The following GLDC variants were observed in gnomAD, a reference collection of about 807,000 sequenced individuals.
The protein encoded by GLDC is glycine dehydrogenase (decarboxylating), mitochondrial.
In GLDC, 104 loss-of-function variants were observed where a neutral mutation model predicts 121.3. That is an observed-to-expected ratio of 0.86 (90% CI 0.73 to 1.01). GLDC has a LOEUF of 1.01. Among genes scored for constraint, GLDC ranks in the 50% least tolerant of loss-of-function variants. The pLI, the probability that GLDC is intolerant of heterozygous loss-of-function variation, is 0.00. For missense variants in GLDC, 1,429 were observed against 1,306.6 expected (o/e 1.09, Z -1.44); for synonymous variants, 546 against 480.6 (o/e 1.14, Z -1.78).
intron 12 of GLDC, 66 bp from the exon 13 acceptor site, chr9:6,588,768 A>G: frequency 1.1e-6 from 1 of 920,158 alleles, no homozygotes; most frequent in Non-Finnish European, 1.8e-6. Context: ...CATCCTCCTG[A>G]CATATAAGAC....
chr9:6,601,520 TA>T (rs1409493130), intron 8 of GLDC, among the ~76,000 whole-genome samples: 3 of 151,922 alleles, frequency 2.0e-5, no homozygotes, highest in South Asian at 4.1e-4. Flanking sequence ...TAATGCTTTT[TA>T]TTTTTTTTAG....
At chr9:6,556,793 CAAA>C (rs71308875) in intron 17 of GLDC, among the ~76,000 whole-genome samples, 1 of 138,544 alleles carries the variant, frequency 7.2e-6, no homozygotes, top group Non-Finnish European at 1.6e-5. Flanking sequence ...GACTCCACGT[CAAA>C]AAAAAAAAAG....
At chr9:6,550,747 A>C in intron 21 of GLDC, 56 bp downstream of exon 21, 1 of 1,094,936 alleles carries the variant, frequency 9.1e-7, no homozygotes, top group African/African-American at 1.5e-5. Context: ...TCTAGGTCAA[A>C]CTTAGTTTGG....
At chr9:6,625,217 C>T (rs930750221) in intron 2 of GLDC, among the ~76,000 whole-genome samples, 13 of 152,076 alleles carry the variant, frequency 8.5e-5, no homozygotes, top group South Asian at 2.1e-4. Flanking sequence ...AGTGACCCGG[C>T]CGGAGGTCAA....
At chr9:6,593,054 T>A (rs1260470291) in intron 9 of GLDC, 64 bp from the exon 10 acceptor site, 1 of 1,546,738 alleles carries the variant, frequency 6.5e-7, no homozygotes, top group Non-Finnish European at 8.9e-7. Flanking sequence ...CATTGACATG[T>A]CACAGAATAA....
chr9:6,611,367 C>G (rs12336574), intron 3 of GLDC, among the ~76,000 whole-genome samples: 14,568 of 152,186 alleles, frequency 0.096, 726 homozygotes, highest in Middle Eastern at 0.13. Context: ...ACCATCCTGG[C>G]TAACATGGTG....
chr9:6,546,497 GC>G (rs1329552961), intron 21 of GLDC, among the ~76,000 whole-genome samples: 7 of 151,238 alleles, frequency 4.6e-5, no homozygotes, highest in African/African-American at 1.5e-4. Context: ...ACAGCACCTA[GC>G]CCCACCTCCG....
At chr9:6,643,021 C>T (rs182520516) in intron 2 of GLDC, among the ~76,000 whole-genome samples, 1 of 151,974 alleles carries the variant, frequency 6.6e-6, no homozygotes, top group Admixed American at 6.6e-5. Flanking sequence ...CATTAGCCTC[C>T]GGAGTAGCTG....
chr9:6,570,771 T>C (rs564401749), intron 15 of GLDC, among the ~76,000 whole-genome samples: 1 of 151,380 alleles, frequency 6.6e-6, no homozygotes, highest in East Asian at 1.9e-4. Context: ...AGAGAATCAC[T>C]TGAACCCAGC....
chr9:6,606,352 A>T (rs1443804016), intron 5 of GLDC, among the ~76,000 whole-genome samples: 1 of 151,880 alleles, frequency 6.6e-6, no homozygotes. Flanking sequence ...AACAAAACAC[A>T]ACTTACTATA....
intron 15 of GLDC, among the ~76,000 whole-genome samples, chr9:6,572,241 C>T (rs1024824669): frequency 5.9e-5 from 9 of 152,046 alleles, no homozygotes; most frequent in African/African-American, 1.2e-4. Context: ...AGCTACAGAA[C>T]GGGAGAAAGT....
At chr9:6,616,949 G>T (rs1818977842) in intron 3 of GLDC, among the ~76,000 whole-genome samples, 1 of 152,158 alleles carries the variant, frequency 6.6e-6, no homozygotes, top group South Asian at 2.1e-4. Flanking sequence ...ATAGCTACAA[G>T]GAATATGTAA....
intron 2 of GLDC, among the ~76,000 whole-genome samples, chr9:6,637,284 A>G (rs1250568837): frequency 2.0e-5 from 3 of 151,576 alleles, no homozygotes; most frequent in Non-Finnish European, 4.4e-5. Flanking sequence ...CAGGTGACTT[A>G]ATACCAGCTA....
At position 6,553,455 on chromosome 9, in the gene GLDC, C is replaced by G. The variant is rs1817556541; in HGVS notation, c.2370G>C (p.Arg790=). Residue 790 remains arginine, a synonymous_variant, in exon 20 of 25, where the codon CGG becomes CGC. Coordinates refer to ENST00000321612, the MANE Select transcript of GLDC (RefSeq NM_000170.3). ...TTCCCACAGGACAGGCATCCTCATT[C>G]CGCTTTAGTGAAATGACGGGATGAT... is the stretch of plus-strand genomic sequence containing the variant. ...LPNHPVISLK[R]NEDACPVGTV... 6.2e-7 allele frequency: 1 copy of G among 1,613,646 alleles called. No individual in the cohort carries two copies. Among genetic ancestry groups the G allele is most frequent in the African/African-American group, 1.3e-5 (1 of 74,890 alleles).
At chr9:6,609,189 C>A (rs1185068588) in intron 4 of GLDC, among the ~76,000 whole-genome samples, 1 of 152,178 alleles carries the variant, frequency 6.6e-6, no homozygotes, top group African/African-American at 2.4e-5. Flanking sequence ...ATAAGGGAAG[C>A]AGAAGAAATG....
chr9:6,602,940 T>G (rs1337276818), intron 7 of GLDC, among the ~76,000 whole-genome samples: 1 of 152,018 alleles, frequency 6.6e-6, no homozygotes, highest in Non-Finnish European at 1.5e-5. Context: ...TCACACAAAT[T>G]TTATGAGCCG....
intron 16 of GLDC, among the ~76,000 whole-genome samples, chr9:6,563,385 T>G (rs1410545797): frequency 1.3e-5 from 2 of 152,216 alleles, no homozygotes; most frequent in African/African-American, 4.8e-5. Context: ...TTCTGCGGCC[T>G]CTCCGCCAAG....
At chr9:6,595,217 A>G (rs1264558040) in intron 8 of GLDC, 98 bp from the exon 9 acceptor site, 2 of 831,818 alleles carry the variant, frequency 2.4e-6, no homozygotes, top group South Asian at 1.3e-5. Flanking sequence ...AGACAGCGAC[A>G]AAACAAAATG....
chr9:6,589,776 G>A (rs903979574), intron 11 of GLDC, among the ~76,000 whole-genome samples: 3 of 152,130 alleles, frequency 2.0e-5, no homozygotes, highest in Admixed American at 1.3e-4. Context: ...AAGAAAATAG[G>A]CCAGGCGCGG....
Sources: allele counts gnomAD v4.1 joint callset (sites outside exome capture counted in the v4.1 genomes callset), GRCh38; gene constraint gnomAD v4.1.1; transcripts MANE v1.5; gene names NCBI Gene and HGNC (gene_info 2026-07-23, HGNC 2026-07-21).